Variants in TFB1M observed in about 807,000 individuals in gnomAD.
TFB1M encodes the protein transcription factor B1, mitochondrial.
In TFB1M, 27 loss-of-function variants were observed where a neutral mutation model predicts 31.1. The ratio of observed to expected loss-of-function variants is 0.87; its 90% CI spans 0.64 to 1.20. The LOEUF (loss-of-function observed/expected upper bound fraction) is 1.20. Among genes scored for constraint, TFB1M ranks in the 50% most tolerant of loss-of-function variants. TFB1M has a pLI of 0.00. For synonymous variants in TFB1M, 166 were observed against 151.8 expected (o/e 1.09, Z -0.69); for missense variants, 394 against 418.7 (o/e 0.94, Z 0.51).
chr6:155,246,954 G>T, the TFB1M span, among the ~76,000 whole-genome samples: 1 of 152,338 alleles, frequency 6.6e-6, no homozygotes, highest in African/African-American at 2.4e-5. Context: ...AGTAGCACTG[G>T]TGTATCCGCT....
At chr6:155,311,388 A>G in intron 1 of TFB1M, 49 bp from the exon 2 acceptor site, 1 of 1,523,310 alleles carries the variant, frequency 6.6e-7, no homozygotes, top group South Asian at 1.1e-5. Flanking sequence ...GCAAATTTCA[A>G]CGTATGAAAT....
In TFB1M at chr6:155,261,122, A is replaced by C. The variant is rs116655746; in HGVS notation, c.667-722T>G. 3.0e-3 allele frequency among the ~76,000 whole-genome samples: 463 copies of C among 152,366 alleles called. 2 individuals carry two copies. Among genetic ancestry groups the C allele is most frequent in the African/African-American group, 0.011 (437 of 41,588 alleles). ...CCTGATTTGTTCCAAAAATGGACTC[A>C]TGGTGATTCACAAGGACAAATTCAA... On this transcript the variant is annotated intron_variant, in intron 5 of 6. Coordinates refer to ENST00000367166, the MANE Select transcript of TFB1M (RefSeq NM_016020.4).
In TFB1M at chr6:155,257,996, T is replaced by C. The variant is rs752131069; in HGVS notation, c.881A>G (p.Gln294Arg). The C allele has an allele frequency of 1.9e-6, 3 of 1,614,262 alleles. No homozygotes were observed. The highest frequency in any genetic ancestry group is 2.2e-5 in the South Asian group (2 of 91,090). Residue 294 changes from glutamine (Q) to arginine (R), a missense_variant, in exon 7 of 7, where the codon CAG becomes CGG. Physicochemically the swap from Gln to Arg is conservative, Grantham distance 43. This residue lies in a region of TFB1M where 115 missense variants were observed against 144.1 expected (regional missense o/e 0.80). Transcript: ENST00000367166. ...GCTCTTAAAGTGTGAGATGGAGAGCTGGCGGGGCCGAAGAGTAGGGTCTAT... is the reference window on the plus strand; with the variant it reads ...GCTCTTAAAGTGTGAGATGGAGAGCCGGCGGGGCCGAAGAGTAGGGTCTAT... ...ADIDPTLRPR[Q>R]LSISHFKSLC...
chr6:155,258,451 G>C (rs1784223935), intron 6 of TFB1M, among the ~76,000 whole-genome samples: 1 of 152,164 alleles, frequency 6.6e-6, no homozygotes, highest in South Asian at 2.1e-4. Context: ...TTTCTTGTGT[G>C]ACAAATCATC....
At chr6:155,250,836 T>A in the TFB1M span, 3 of 1,414,148 alleles carry the variant, frequency 2.1e-6, no homozygotes, top group South Asian at 3.5e-5. Flanking sequence ...AATGACTGTG[T>A]GTACATCACT....
At chr6:155,287,441 C>A (rs183321617) in intron 4 of TFB1M, among the ~76,000 whole-genome samples, 74 of 151,796 alleles carry the variant, frequency 4.9e-4, no homozygotes, top group African/African-American at 1.7e-3. Context: ...TAATGGAATA[C>A]GAGATTGAAT....
chr6:155,303,049 T>C (rs1027888240), intron 2 of TFB1M: 16 of 152,210 alleles, frequency 1.1e-4, no homozygotes, highest in African/African-American at 3.6e-4. Flanking sequence ...TTTTATTCTA[T>C]TTGTTTGTTT....
chr6:155,285,209 A>G lies in TFB1M; in HGVS notation c.615T>C (p.Asn205=), dbSNP rs761811863. The change falls in exon 5 of 7, where the codon AAT becomes AAC. Residue 205 remains asparagine (N), a synonymous_variant. Coordinates refer to ENST00000367166, the MANE Select transcript of TFB1M (RefSeq NM_016020.4). ...RLSVMAQYLC[N]VRHIFTIPGQ... is the part of the protein sequence containing the mutation. ...CTGGAATCGTAAAGATGTGTCGAAC[A>G]TTGCAGAGGTACTGAGCCATAACAG... 3.1e-6 allele frequency: 5 copies of G among 1,614,068 alleles called. No individual in the cohort carries two copies. The Admixed American group carries it at 8.3e-5, about 27-fold the overall frequency.
At chr6:155,304,870 C>T (rs754592690) in intron 2 of TFB1M, among the ~76,000 whole-genome samples, 4 of 150,974 alleles carry the variant, frequency 2.6e-5, no homozygotes, top group Non-Finnish European at 5.9e-5. Context: ...AACAATAGAC[C>T]TATAGATAAA....
chr6:155,292,490 C>T (rs919202600), intron 4 of TFB1M, among the ~76,000 whole-genome samples: 6 of 152,068 alleles, frequency 3.9e-5, no homozygotes, highest in African/African-American at 7.2e-5. Flanking sequence ...ACATGCAGGG[C>T]GTTGGGTGCC....
At chr6:155,306,870 C>G (rs1777788959) in intron 2 of TFB1M, among the ~76,000 whole-genome samples, 1 of 152,098 alleles carries the variant, frequency 6.6e-6, no homozygotes, top group African/African-American at 2.4e-5. Flanking sequence ...CCTGTAATCC[C>G]AGCATCTTGG....
the TFB1M span, among the ~76,000 whole-genome samples, chr6:155,237,854 C>T: frequency 6.6e-6 from 1 of 152,238 alleles, no homozygotes; most frequent in African/African-American, 2.4e-5. Flanking sequence ...GCCTCCAGGC[C>T]TGTGATGGGA....
intron 4 of TFB1M, among the ~76,000 whole-genome samples, chr6:155,293,282 A>G (rs1777016513): frequency 6.6e-6 from 1 of 152,210 alleles, no homozygotes; most frequent in Non-Finnish European, 1.5e-5. Context: ...TTAACCAAAT[A>G]TCCATGCATT....
chr6:155,252,419 T>G (rs774304213), downstream of TFB1M, among the ~76,000 whole-genome samples: 2 of 152,160 alleles, frequency 1.3e-5, no homozygotes, highest in Non-Finnish European at 2.9e-5. Context: ...CAGTGAGCCT[T>G]GATCATGCCA....
At chr6:155,306,011 A>C (rs1259172696) in intron 2 of TFB1M, among the ~76,000 whole-genome samples, 2 of 151,778 alleles carry the variant, frequency 1.3e-5, no homozygotes, top group East Asian at 1.9e-4. Flanking sequence ...CTTAAAATTC[A>C]ATAAGACAAA....
intron 4 of TFB1M, among the ~76,000 whole-genome samples, chr6:155,290,212 C>G (rs1375070696): frequency 6.6e-6 from 1 of 151,576 alleles, no homozygotes; most frequent in African/African-American, 2.4e-5. Flanking sequence ...TGGTGAAACC[C>G]CGTCTCTACT....
chr6:155,307,732 G>A (rs1007308928), intron 2 of TFB1M, among the ~76,000 whole-genome samples: 7 of 151,722 alleles, frequency 4.6e-5, no homozygotes, highest in South Asian at 2.1e-4. Flanking sequence ...GGCTTCCCTC[G>A]GCCACACTGG....
In TFB1M at chr6:155,257,411, G is replaced by A; in HGVS notation, c.*425C>T. 1 of 381,258 alleles carries A rather than the reference G, an allele frequency of 2.6e-6. No individual in the cohort carries two copies. The highest frequency in any genetic ancestry group is 4.7e-6 in the Non-Finnish European group (1 of 213,176). 23.6% of individuals were successfully genotyped at this position (381,258 alleles called of 1,614,324 possible). ...TACATTCTAATAATTAAGTTATGTG[G>A]AAAAAGTAAGGCTGGGGAAGTCGTG... On this transcript the variant is annotated 3_prime_UTR_variant, in exon 7 of 7. Transcript: ENST00000367166.
chr6:155,266,111 C>A (rs113817188), intron 5 of TFB1M, among the ~76,000 whole-genome samples: 3,115 of 152,150 alleles, frequency 0.02, 51 homozygotes, highest in African/African-American at 0.031. Context: ...TTTGACAACA[C>A]CCTCACAGAT....
Sources: allele counts gnomAD v4.1 joint callset (sites outside exome capture counted in the v4.1 genomes callset), GRCh38; gene constraint gnomAD v4.1.1; regional missense constraint gnomAD v4.1.1; transcripts MANE v1.5; gene names NCBI Gene and HGNC (gene_info 2026-07-23, HGNC 2026-07-21).